GUCY1A2: variants seen among roughly 807,000 people sequenced by gnomAD.
GUCY1A2 encodes guanylate cyclase soluble subunit alpha-2.
GUCY1A2 carries 27 observed loss-of-function variants against 63.5 expected under a neutral mutation model. The ratio of observed to expected loss-of-function variants is 0.43; its 90% CI spans 0.31 to 0.59. GUCY1A2 has a LOEUF of 0.59. GUCY1A2 is among the 20% of genes least tolerant of loss of function. The pLI is 0.11. For missense variants in GUCY1A2, 768 were observed against 913.3 expected, an observed-to-expected ratio of 0.84 and a Z score of 2.05; for synonymous variants, 364 against 343.5, an observed-to-expected ratio of 1.06 and a Z score of -0.66.
At chr11:106,922,995 TATA>T (rs932794801) in intron 4 of GUCY1A2, among the ~76,000 whole-genome samples, 2 of 151,750 alleles carry the variant, frequency 1.3e-5, no homozygotes, top group African/African-American at 4.8e-5. Flanking sequence ...GAAAAGGAAA[TATA>T]ATAACATTGA....
At chr11:106,730,754 T>C (rs1052761752) in intron 6 of GUCY1A2, among the ~76,000 whole-genome samples, 1 of 152,176 alleles carries the variant, frequency 6.6e-6, no homozygotes, top group Admixed American at 6.6e-5. Flanking sequence ...GCATTCGTTT[T>C]TCTCCACAAC....
chr11:106,984,201 C>T (rs1021701856), intron 2 of GUCY1A2, among the ~76,000 whole-genome samples: 2 of 152,160 alleles, frequency 1.3e-5, no homozygotes, highest in Admixed American at 6.5e-5. Flanking sequence ...TACTTCAAGT[C>T]CAAGAAATCA....
At chr11:106,805,949 A>G (rs1224607581) in intron 5 of GUCY1A2, among the ~76,000 whole-genome samples, 1 of 152,164 alleles carries the variant, frequency 6.6e-6, no homozygotes, top group East Asian at 1.9e-4. Flanking sequence ...TCTGGATTTA[A>G]CCTTTCCAAA....
intron 7 of GUCY1A2, among the ~76,000 whole-genome samples, chr11:106,701,605 T>G (rs548658962): frequency 2.8e-5 from 4 of 145,422 alleles, no homozygotes. Context: ...AGAGTAGAAT[T>G]GTGGGTATTA....
At chr11:106,816,791 T>C (rs560725163) in intron 4 of GUCY1A2, among the ~76,000 whole-genome samples, 20 of 151,902 alleles carry the variant, frequency 1.3e-4, no homozygotes, top group African/African-American at 4.6e-4. Flanking sequence ...AATATAGACA[T>C]TACAAGAATA....
chr11:106,934,308 A>T (rs1286562165), intron 4 of GUCY1A2, among the ~76,000 whole-genome samples: 1 of 152,178 alleles, frequency 6.6e-6, no homozygotes, highest in Non-Finnish European at 1.5e-5. Flanking sequence ...GTTGTTCATC[A>T]CTAAAGGTAA....
At chr11:106,801,914 A>G (rs1359985458) in intron 5 of GUCY1A2, among the ~76,000 whole-genome samples, 1 of 152,186 alleles carries the variant, frequency 6.6e-6, no homozygotes, top group African/African-American at 2.4e-5. Flanking sequence ...CACCTATTCC[A>G]CAGGATTGTT....
rs1859510251 is a variant in GUCY1A2 at position 106,861,380 on chromosome 11, A to G, written c.1207-50902T>C. On this transcript the variant is annotated intron_variant, in intron 4 of 7. Coordinates refer to ENST00000526355, the MANE Select transcript of GUCY1A2 (RefSeq NM_000855.3). Reference sequence around the variant, plus strand: ...GCACGTAGTCTGTTGTGTGTACTCAATAACAAATCAGTATTCTTTTTTCCC... The same window carrying G: ...GCACGTAGTCTGTTGTGTGTACTCAGTAACAAATCAGTATTCTTTTTTCCC... 2.0e-5 allele frequency among the ~76,000 whole-genome samples: 3 copies of G among 152,078 alleles called. No homozygotes were observed. In the South Asian group the frequency reaches 6.2e-4, roughly 32 times the overall value.
chr11:106,814,834 G>C (rs1359389291), intron 4 of GUCY1A2, among the ~76,000 whole-genome samples: 5 of 151,970 alleles, frequency 3.3e-5, no homozygotes, highest in Non-Finnish European at 5.9e-5. Flanking sequence ...ATAGAATCTA[G>C]AGTCTCCTAA....
intron 6 of GUCY1A2, among the ~76,000 whole-genome samples, chr11:106,738,794 G>A (rs1325720034): frequency 5.9e-5 from 9 of 152,126 alleles, no homozygotes; most frequent in Admixed American, 5.9e-4. Flanking sequence ...GGTTACTGTA[G>A]CCTTGTAGTA....
chr11:106,959,260 C>T (rs908442191), intron 3 of GUCY1A2, among the ~76,000 whole-genome samples: 2 of 152,120 alleles, frequency 1.3e-5, no homozygotes, highest in Admixed American at 1.3e-4. Flanking sequence ...AAAATATATA[C>T]ATGAATTCTT....
intron 3 of GUCY1A2, among the ~76,000 whole-genome samples, chr11:106,973,172 T>C (rs1243763787): frequency 1.3e-5 from 2 of 152,136 alleles, no homozygotes; most frequent in African/African-American, 4.8e-5. Flanking sequence ...TATATGATGA[T>C]ATTCTTAAAC....
chr11:106,927,155 C>G (rs11211977), intron 4 of GUCY1A2, among the ~76,000 whole-genome samples: 23,129 of 151,660 alleles, frequency 0.15, 2,126 homozygotes, highest in South Asian at 0.27. Context: ...GGGTGGATCA[C>G]ACAGTTAGGA....
intron 4 of GUCY1A2, among the ~76,000 whole-genome samples, chr11:106,877,707 CAG>C (rs1308289398): frequency 6.6e-6 from 1 of 151,988 alleles, no homozygotes; most frequent in African/African-American, 2.4e-5. Flanking sequence ...ATTCTGGACA[CAG>C]GAATGGACAA....
At chr11:107,010,083 G>C (rs1861722965) in intron 1 of GUCY1A2, among the ~76,000 whole-genome samples, 1 of 151,900 alleles carries the variant, frequency 6.6e-6, no homozygotes, top group African/African-American at 2.4e-5. Flanking sequence ...CTCAAATAAA[G>C]CCTGCTCTGG....
intron 6 of GUCY1A2, among the ~76,000 whole-genome samples, chr11:106,717,260 C>G (rs759884315): frequency 4.9e-4 from 74 of 152,308 alleles, no homozygotes; most frequent in Non-Finnish European, 1.0e-3. Flanking sequence ...ATAATACCTT[C>G]TTGGCATGAT....
chr11:106,972,688 A>G (rs1455218136), intron 3 of GUCY1A2, among the ~76,000 whole-genome samples: 1 of 152,156 alleles, frequency 6.6e-6, no homozygotes, highest in Non-Finnish European at 1.5e-5. Flanking sequence ...GAGAAAAAAT[A>G]TCTAGGAGAA....
At chr11:106,704,873 A>G (rs1381829483) in intron 7 of GUCY1A2, among the ~76,000 whole-genome samples, 1 of 150,282 alleles carries the variant, frequency 6.7e-6, no homozygotes, top group Non-Finnish European at 1.5e-5. Flanking sequence ...CAGTAAAGTA[A>G]TATTAGTATA....
At chr11:106,755,524 C>T (rs1228087110) in intron 6 of GUCY1A2, among the ~76,000 whole-genome samples, 4 of 152,256 alleles carry the variant, frequency 2.6e-5, no homozygotes, top group Middle Eastern at 3.4e-3. Context: ...TTAAATGTGT[C>T]CCAGTGATTC....
Sources: allele counts gnomAD v4.1 joint callset (sites outside exome capture counted in the v4.1 genomes callset), GRCh38; gene constraint gnomAD v4.1.1; transcripts MANE v1.5; gene names NCBI Gene and HGNC (gene_info 2026-07-23, HGNC 2026-07-21).